The following GAS7 variants were observed in gnomAD, a reference collection of about 807,000 sequenced individuals.
GAS7 encodes growth arrest specific 7.
A neutral mutation model predicts 71.1 loss-of-function variants in GAS7; 28 were observed. That is an observed-to-expected ratio of 0.39 (90% CI 0.29 to 0.54). The LOEUF (loss-of-function observed/expected upper bound fraction) is 0.54. Ranked by LOEUF, GAS7 falls within the 20% of genes least tolerant of loss-of-function variation. The pLI, the probability that GAS7 is intolerant of heterozygous loss-of-function variation, is 0.62. For synonymous variants in GAS7, 258 were observed against 245.8 expected, an observed-to-expected ratio of 1.05 and a Z score of -0.46; for missense variants, 436 against 627.8, an observed-to-expected ratio of 0.69 and a Z score of 3.27.
intron 2 of GAS7, among the ~76,000 whole-genome samples, chr17:9,983,558 G>A (rs905245104): frequency 7.2e-5 from 11 of 151,842 alleles, no homozygotes; most frequent in South Asian, 2.1e-4. Context: ...AGGCCGAGGC[G>A]GGTGGATCAC....
intron 2 of GAS7, among the ~76,000 whole-genome samples, chr17:9,991,804 C>T (rs1124150): frequency 0.016 from 2,443 of 152,128 alleles, 45 homozygotes; most frequent in East Asian, 0.045. Context: ...GTCTTGTCAC[C>T]GAGACAACAG....
intron 2 of GAS7, among the ~76,000 whole-genome samples, chr17:9,993,132 G>A (rs1406286068): frequency 6.6e-6 from 1 of 151,618 alleles, no homozygotes; most frequent in African/African-American, 2.4e-5. Flanking sequence ...TAATGGGATG[G>A]CTGGGTCAAA....
intron 1 of GAS7, among the ~76,000 whole-genome samples, chr17:10,062,305 C>T (rs757513153): frequency 1.3e-5 from 2 of 152,116 alleles, no homozygotes; most frequent in African/African-American, 2.4e-5. Context: ...GCCAACGTGG[C>T]GAAACCTCGT....
intron 1 of GAS7, among the ~76,000 whole-genome samples, chr17:10,089,175 GAAAGA>G (rs1432038018): frequency 6.6e-6 from 1 of 151,906 alleles, no homozygotes; most frequent in Non-Finnish European, 1.5e-5. Context: ...AGAAAAAAAA[GAAAGA>G]AAAGAAAAGA....
intron 1 of GAS7, among the ~76,000 whole-genome samples, chr17:10,089,922 C>T (rs1423145600): frequency 6.6e-6 from 1 of 152,122 alleles, no homozygotes; most frequent in African/African-American, 2.4e-5. Context: ...AATCCCAGCA[C>T]TTTGGGAGGC....
intron 2 of GAS7, among the ~76,000 whole-genome samples, chr17:10,016,751 AAATAATAATAATAATAAT>A (rs4057773): frequency 0.25 from 35,587 of 139,812 alleles, 4,785 homozygotes; most frequent in African/African-American, 0.33. Context: ...TCTCTACAAA[AAATAATAATAATAATAAT>A]AATAATAATA....
intron 1 of GAS7, among the ~76,000 whole-genome samples, chr17:10,066,250 G>A (rs1179952771): frequency 3.3e-5 from 5 of 152,118 alleles, no homozygotes; most frequent in Non-Finnish European, 7.4e-5. Context: ...GCATGATCTC[G>A]GCTCACCACA....
chr17:10,069,474 C>T (rs777032040), intron 1 of GAS7, among the ~76,000 whole-genome samples: 2 of 152,116 alleles, frequency 1.3e-5, no homozygotes, highest in Non-Finnish European at 2.9e-5. Context: ...CACATAATAA[C>T]CACCACTACT....
chr17:10,009,481 T>TG (rs2152186406), intron 2 of GAS7, among the ~76,000 whole-genome samples: 1 of 152,094 alleles, frequency 6.6e-6, no homozygotes, highest in South Asian at 2.1e-4. Flanking sequence ...GCTCACATCC[T>TG]GGTTTAGTCC....
Position 9,912,045 on chromosome 17 carries a change from C to T in GAS7, c.*5183G>A, listed in dbSNP as rs1234876021. 4.3e-6 allele frequency: 1 copy of T among 231,892 alleles called. No homozygotes were observed. The highest frequency in any genetic ancestry group is 8.5e-6 in the Non-Finnish European group (1 of 117,284). 14.4% of individuals were successfully genotyped at this position (231,892 alleles called of 1,614,324 possible). A position where few individuals can be genotyped will look rare whatever the true frequency, so the allele number is the denominator to read the frequency against. ...TGCGACAAGGACTCCATCTTCACGC[C>T]TGTCCTGGCTCCTGGGGAGTAGACT... On this transcript the variant is annotated 3_prime_UTR_variant, in exon 14 of 14. Coordinates refer to ENST00000432992, the MANE Select transcript of GAS7 (RefSeq NM_201433.2).
At chr17:10,053,359 G>A (rs1010241522) in intron 1 of GAS7, among the ~76,000 whole-genome samples, 1 of 152,188 alleles carries the variant, frequency 6.6e-6, no homozygotes, top group Non-Finnish European at 1.5e-5. Context: ...GAAAGCTGAA[G>A]GAGGCCAAGT....
intron 6 of GAS7, among the ~76,000 whole-genome samples, chr17:9,946,501 TGAG>T (rs2068791381): frequency 6.6e-6 from 1 of 152,186 alleles, no homozygotes; most frequent in East Asian, 1.9e-4. Flanking sequence ...ACAATTCTGA[TGAG>T]AACACTGAGG....
chr17:10,121,296 G>A (rs1455279401), intron 1 of GAS7, among the ~76,000 whole-genome samples: 1 of 152,114 alleles, frequency 6.6e-6, no homozygotes, highest in Non-Finnish European at 1.5e-5. Context: ...CAGGAGAATC[G>A]CTTGAACCCG....
At chr17:10,102,688 C>T (rs1200562290) in intron 1 of GAS7, among the ~76,000 whole-genome samples, 1 of 151,940 alleles carries the variant, frequency 6.6e-6, no homozygotes, top group African/African-American at 2.4e-5. Flanking sequence ...AAGTAGGGTA[C>T]CCAGGACACA....
chr17:10,098,854 G>A (rs1286885209), intron 1 of GAS7, among the ~76,000 whole-genome samples: 1 of 152,228 alleles, frequency 6.6e-6, no homozygotes, highest in East Asian at 1.9e-4. Context: ...AGCTACTTGG[G>A]AGGCTGAGGC....
chr17:10,185,887 CAG>C (rs2074448410), intron 1 of GAS7, among the ~76,000 whole-genome samples: 1 of 151,198 alleles, frequency 6.6e-6, no homozygotes, highest in African/African-American at 2.4e-5. Context: ...GGAGTGTGAG[CAG>C]AGAGTTTGGT....
Position 9,985,655 on chromosome 17 carries a change from C to T in GAS7, c.305-3771G>A, listed in dbSNP as rs553649284. ...AGCTGCAGAGGCTCATAGCTGAGTC[C>T]CTCTCAGGGAACCGCCCTTAGCCAA... On this transcript the variant is annotated intron_variant, in intron 2 of 13. Transcript: ENST00000432992. 7.9e-5 allele frequency among the ~76,000 whole-genome samples: 12 copies of T among 152,340 alleles called. No individual in the cohort carries two copies. The South Asian group carries it at 2.5e-3, about 32-fold the overall frequency.
chr17:10,063,710 C>T (rs2073245114), intron 1 of GAS7, among the ~76,000 whole-genome samples: 2 of 152,164 alleles, frequency 1.3e-5, no homozygotes, highest in South Asian at 4.1e-4. Context: ...ACATCTGGCT[C>T]TGGAACTCTT....
intron 1 of GAS7, among the ~76,000 whole-genome samples, chr17:10,082,963 G>A (rs574483692): frequency 6.6e-6 from 1 of 152,172 alleles, no homozygotes; most frequent in South Asian, 2.1e-4. Context: ...ATCAGATTCA[G>A]AAGTGACCTG....
Sources: allele counts gnomAD v4.1 joint callset (sites outside exome capture counted in the v4.1 genomes callset), GRCh38; gene constraint gnomAD v4.1.1; transcripts MANE v1.5; gene names NCBI Gene and HGNC (gene_info 2026-07-23, HGNC 2026-07-21).